Variants in PKIA observed in about 807,000 individuals in gnomAD.
PKIA encodes cAMP-dependent protein kinase inhibitor alpha.
Under a neutral mutation model 7.6 loss-of-function variants are expected in PKIA, and 4 were observed. The ratio of observed to expected loss-of-function variants is 0.52; its 90% confidence interval spans 0.26 to 1.20. The LOEUF is 1.20. PKIA is among the 50% of genes most tolerant of loss of function. The pLI is 0.13. For missense variants in PKIA, 73 were observed against 86.2 expected (o/e 0.85, Z 0.61); for synonymous variants, 21 against 30.7 (o/e 0.68, Z 1.04).
intron 2 of PKIA, among the ~76,000 whole-genome samples, chr8:78,579,720 T>C (rs1807762015): frequency 6.6e-6 from 1 of 152,086 alleles, no homozygotes; most frequent in African/African-American, 2.4e-5. Context: ...CAGAGAAATC[T>C]GAGGAATTGT....
At chr8:78,599,168 A>G (rs146772475) in intron 3 of PKIA, among the ~76,000 whole-genome samples, 49 of 152,208 alleles carry the variant, frequency 3.2e-4, no homozygotes, top group African/African-American at 1.1e-3. Context: ...AGTTTGATGG[A>G]TTAAAAAACT....
chr8:78,592,956 C>T (rs1808136952), intron 2 of PKIA, among the ~76,000 whole-genome samples: 1 of 152,134 alleles, frequency 6.6e-6, no homozygotes, highest in African/African-American at 2.4e-5. Flanking sequence ...GCCCTTTACA[C>T]AAAACCCAAA....
intron 1 of PKIA, among the ~76,000 whole-genome samples, chr8:78,568,313 T>C (rs1807465896): frequency 6.6e-6 from 1 of 152,178 alleles, no homozygotes; most frequent in South Asian, 2.1e-4. Context: ...ACTTGACTTC[T>C]GCAAGTGTGA....
At chr8:78,575,442 T>G (rs1807649910) in intron 2 of PKIA, among the ~76,000 whole-genome samples, 1 of 152,002 alleles carries the variant, frequency 6.6e-6, no homozygotes, top group Non-Finnish European at 1.5e-5. Context: ...CTAAGATATC[T>G]ATTTTGTTTC....
intron 1 of PKIA, among the ~76,000 whole-genome samples, chr8:78,564,172 AAAAAAAAAGAAAAAAG>A (rs1269735036): frequency 6.6e-6 from 1 of 151,062 alleles, no homozygotes; most frequent in Non-Finnish European, 1.5e-5. Flanking sequence ...AGCCTTATTT[AAAAAAAAAGAAAAAAG>A]AAAAAAAAGA....
chr8:78,531,624 A>G (rs539604731), intron 1 of PKIA, among the ~76,000 whole-genome samples: 11 of 152,216 alleles, frequency 7.2e-5, no homozygotes, highest in Middle Eastern at 6.8e-3. Flanking sequence ...AATTGAGTAA[A>G]GTACCTGTAG....
intron 2 of PKIA, among the ~76,000 whole-genome samples, chr8:78,577,644 A>G (rs1245715871): frequency 6.6e-6 from 1 of 152,002 alleles, no homozygotes; most frequent in Non-Finnish European, 1.5e-5. Flanking sequence ...TTCTTGACAT[A>G]AATGTTCACT....
chr8:78,558,741 C>T (rs1401139448), intron 1 of PKIA, among the ~76,000 whole-genome samples: 8 of 152,170 alleles, frequency 5.3e-5, no homozygotes, highest in South Asian at 4.2e-4. Flanking sequence ...TCACGTATTT[C>T]CTTTACATCA....
At chr8:78,557,507 C>T (rs775146694) in intron 1 of PKIA, among the ~76,000 whole-genome samples, 1 of 152,068 alleles carries the variant, frequency 6.6e-6, no homozygotes, top group Non-Finnish European at 1.5e-5. Flanking sequence ...ATTTCAATTA[C>T]TTCAGCATTG....
intron 1 of PKIA, among the ~76,000 whole-genome samples, chr8:78,536,827 A>G (rs1225605701): frequency 2.0e-5 from 3 of 151,088 alleles, no homozygotes; most frequent in African/African-American, 7.3e-5. Context: ...GTTTTTATAT[A>G]ATCTGTAACT....
intron 2 of PKIA, among the ~76,000 whole-genome samples, chr8:78,574,727 T>G (rs1420362082): frequency 1.3e-5 from 2 of 152,046 alleles, no homozygotes; most frequent in African/African-American, 2.4e-5. Context: ...AATTCTGAAT[T>G]GCTAGATGGA....
In PKIA at chr8:78,524,116, A is replaced by G. The variant is rs1563565736; in HGVS notation, c.-157+7648A>G. On this transcript the variant is annotated intron_variant, in intron 1 of 3. Coordinates refer to ENST00000396418, the MANE Select transcript of PKIA (RefSeq NM_006823.4). ...TTTATATTTATATATAAATATATGT[A>G]TAAACATTTATATTTATATATAAAC... Among the ~76,000 whole-genome samples the G allele has an allele frequency of 1.5e-5, 2 of 133,054 alleles. 1 individual carries two copies. The highest frequency in any genetic ancestry group is 6.0e-5 in the African/African-American group (2 of 33,418). The allele number at this position is 133,054 out of a possible 152,430, so 87.3% of individuals were successfully genotyped here. A position where few individuals can be genotyped will look rare whatever the true frequency, so the allele number is the denominator to read the frequency against.
chr8:78,589,517 C>G (rs561731027), intron 2 of PKIA, among the ~76,000 whole-genome samples: 1 of 151,518 alleles, frequency 6.6e-6, no homozygotes, highest in African/African-American at 2.4e-5. Context: ...AAAGAAAGTT[C>G]GAGAGGAGAA....
chr8:78,593,718 A>G (rs1808159495), intron 2 of PKIA, among the ~76,000 whole-genome samples: 1 of 151,454 alleles, frequency 6.6e-6, no homozygotes, highest in African/African-American at 2.5e-5. Flanking sequence ...TGGTAAAGTA[A>G]AAAGCATGGG....
chr8:78,538,706 A>C (rs1423783505), intron 1 of PKIA, among the ~76,000 whole-genome samples: 2 of 152,096 alleles, frequency 1.3e-5, no homozygotes, highest in East Asian at 1.9e-4. Context: ...TAATTAGTTT[A>C]GAAATTATTC....
chr8:78,564,973 T>C (rs531551179), intron 1 of PKIA, among the ~76,000 whole-genome samples: 1 of 151,988 alleles, frequency 6.6e-6, no homozygotes, highest in African/African-American at 2.4e-5. Flanking sequence ...TGTTTTAAAA[T>C]ATTTTTAGTA....
At chr8:78,573,572 T>C (rs953619012) in intron 2 of PKIA, among the ~76,000 whole-genome samples, 7 of 151,904 alleles carry the variant, frequency 4.6e-5, no homozygotes, top group African/African-American at 1.7e-4. Flanking sequence ...TCCCATTTTA[T>C]GGAAAGAAAA....
chr8:78,542,555 A>G (rs936185675), intron 1 of PKIA, among the ~76,000 whole-genome samples: 1 of 152,152 alleles, frequency 6.6e-6, no homozygotes, highest in African/African-American at 2.4e-5. Context: ...AAATTAATAT[A>G]TTGTTAATAC....
chr8:78,581,610 C>G (rs760428431), intron 2 of PKIA, among the ~76,000 whole-genome samples: 1 of 152,020 alleles, frequency 6.6e-6, no homozygotes, highest in East Asian at 1.9e-4. Context: ...TGAATCTAAT[C>G]ATGAGACAAA....
Sources: allele counts gnomAD v4.1 joint callset (sites outside exome capture counted in the v4.1 genomes callset), GRCh38; gene constraint gnomAD v4.1.1; transcripts MANE v1.5; gene names NCBI Gene and HGNC (gene_info 2026-07-23, HGNC 2026-07-21).